Variants in CACNA2D3 observed in about 807,000 individuals in gnomAD.
CACNA2D3 encodes the protein voltage-dependent calcium channel subunit alpha-2/delta-3.
A neutral mutation model predicts 160.6 loss-of-function variants in CACNA2D3; 60 were observed. The observed-to-expected ratio is 0.37, with a 90% CI of 0.30 to 0.46. The LOEUF (loss-of-function observed/expected upper bound fraction) is 0.46. Among genes scored for constraint, CACNA2D3 ranks in the 20% least tolerant of loss-of-function variants. CACNA2D3 has a pLI of 1.00. For missense variants in CACNA2D3, 1,205 were observed against 1,365.0 expected (o/e 0.88, Z 1.85); for synonymous variants, 558 against 492.9 (o/e 1.13, Z -1.75).
intron 30 of CACNA2D3, among the ~76,000 whole-genome samples, chr3:54,986,675 T>A (rs1702621188): frequency 6.6e-6 from 1 of 152,168 alleles, no homozygotes; most frequent in African/African-American, 2.4e-5. Flanking sequence ...GGGGTTTAGT[T>A]AATACAAAGC....
chr3:54,201,938 T>G (rs755024139), intron 2 of CACNA2D3, among the ~76,000 whole-genome samples: 13 of 152,206 alleles, frequency 8.5e-5, no homozygotes, highest in Non-Finnish European at 1.8e-4. Context: ...AATGAACAGT[T>G]TTCTGTTCAT....
intron 3 of CACNA2D3, among the ~76,000 whole-genome samples, chr3:54,385,351 G>A (rs1020384469): frequency 3.3e-5 from 5 of 152,128 alleles, no homozygotes; most frequent in Non-Finnish European, 5.9e-5. Context: ...CTCAGACAGG[G>A]GAAGGGTCCT....
chr3:54,900,360 G>A (rs1272582341), intron 27 of CACNA2D3, among the ~76,000 whole-genome samples: 4 of 152,154 alleles, frequency 2.6e-5, no homozygotes, highest in Non-Finnish European at 5.9e-5. Context: ...TGGGACCAGG[G>A]GAAAGCCAAA....
At chr3:54,305,595 G>A (rs1053070852) in intron 2 of CACNA2D3, among the ~76,000 whole-genome samples, 1 of 152,228 alleles carries the variant, frequency 6.6e-6, no homozygotes, top group Non-Finnish European at 1.5e-5. Context: ...ACATAGACCA[G>A]CATTTGCCCA....
chr3:54,224,181 T>C (rs894688948), intron 2 of CACNA2D3, among the ~76,000 whole-genome samples: 17 of 152,096 alleles, frequency 1.1e-4, no homozygotes, highest in African/African-American at 3.6e-4. Context: ...AAGGCCTTCA[T>C]GGGCAGTAAC....
At chr3:54,995,294 ACTTAGAGTC>A (rs1702831744) in intron 31 of CACNA2D3, among the ~76,000 whole-genome samples, 1 of 152,168 alleles carries the variant, frequency 6.6e-6, no homozygotes. Flanking sequence ...TTTTAATCAA[ACTTAGAGTC>A]CAATGTATTA....
At chr3:54,872,692 T>C (rs1699563775) in intron 18 of CACNA2D3, among the ~76,000 whole-genome samples, 2 of 152,202 alleles carry the variant, frequency 1.3e-5, no homozygotes, top group Admixed American at 6.5e-5. Flanking sequence ...GCTGGTAAAA[T>C]GTGAGAGCCA....
intron 10 of CACNA2D3, chr3:54,639,182 TTGC>T (rs1699449296): frequency 6.6e-6 from 1 of 151,594 alleles, no homozygotes; most frequent in Non-Finnish European, 1.5e-5. Flanking sequence ...AAAGCGGGAC[TTGC>T]TGCTAAGGGT....
intron 11 of CACNA2D3, among the ~76,000 whole-genome samples, chr3:54,723,894 G>C (rs537495238): frequency 1.3e-4 from 20 of 152,288 alleles, no homozygotes; most frequent in African/African-American, 4.6e-4. Context: ...GCATCATAAT[G>C]ACAGGATCAA....
chr3:54,517,789 G>C (rs112968387), intron 5 of CACNA2D3, among the ~76,000 whole-genome samples: 1 of 152,116 alleles, frequency 6.6e-6, no homozygotes, highest in Non-Finnish European at 1.5e-5. Context: ...TCACCTTCCT[G>C]TTGCTCCAAC....
intron 35 of CACNA2D3, among the ~76,000 whole-genome samples, chr3:55,019,079 T>TTTTTTCTTTCTTTC (rs1553632294): frequency 6.8e-6 from 1 of 146,652 alleles, no homozygotes; most frequent in Non-Finnish European, 1.5e-5. Context: ...TGCATAGAAA[T>TTTTTTCTTTCTTTC]TTTCTTTCTT....
intron 27 of CACNA2D3, among the ~76,000 whole-genome samples, chr3:54,956,999 A>G (rs1701914131): frequency 1.3e-5 from 2 of 152,120 alleles, no homozygotes; most frequent in African/African-American, 4.8e-5. Flanking sequence ...CTTCTCCAAT[A>G]TCAAGTTTGC....
chr3:54,338,844 G>A (rs1472929998), intron 3 of CACNA2D3, among the ~76,000 whole-genome samples: 4 of 152,068 alleles, frequency 2.6e-5, no homozygotes, highest in Non-Finnish European at 5.9e-5. Context: ...TAAAACATGT[G>A]TCCCAATTCT....
intron 4 of CACNA2D3, among the ~76,000 whole-genome samples, chr3:54,467,885 A>G (rs1700657443): frequency 1.3e-5 from 2 of 152,214 alleles, no homozygotes; most frequent in South Asian, 4.1e-4. Context: ...GAAAGTTCTT[A>G]TCACAAAGAA....
intron 4 of CACNA2D3, among the ~76,000 whole-genome samples, chr3:54,478,673 T>TATTGCC (rs1451170474): frequency 7.5e-6 from 1 of 134,150 alleles, no homozygotes; most frequent in African/African-American, 2.8e-5. Context: ...TATATATATA[T>TATTGCC]ATATATTGCT....
intron 10 of CACNA2D3, among the ~76,000 whole-genome samples, chr3:54,635,309 C>T (rs1319160309): frequency 6.6e-6 from 1 of 151,946 alleles, no homozygotes; most frequent in Admixed American, 6.6e-5. Context: ...CAGCATAGTC[C>T]TGCCAGCAAA....
chr3:55,008,036 C>T (rs1575433226), intron 33 of CACNA2D3, among the ~76,000 whole-genome samples, 194 bp downstream of exon 33: 1 of 152,176 alleles, frequency 6.6e-6, no homozygotes, highest in African/African-American at 2.4e-5. Context: ...GACTGTTGAT[C>T]ACTCCTTATG....
chr3:54,859,972 G>GCGCGCGCACACACACACACACACA (rs535185040), intron 17 of CACNA2D3, among the ~76,000 whole-genome samples: 60 of 133,882 alleles, frequency 4.5e-4, no homozygotes, highest in African/African-American at 1.6e-3. Context: ...GAAAGTAGAT[G>GCGCGCGCACACACACACACACACA]CACACACACA....
chr3:54,967,601 C>A (rs1244284513), intron 27 of CACNA2D3, among the ~76,000 whole-genome samples: 1 of 152,062 alleles, frequency 6.6e-6, no homozygotes, highest in Non-Finnish European at 1.5e-5. Context: ...TTCAGTATTC[C>A]CTGTAGTCTC....
Sources: allele counts gnomAD v4.1 joint callset (sites outside exome capture counted in the v4.1 genomes callset), GRCh38; gene constraint gnomAD v4.1.1; transcripts MANE v1.5; gene names NCBI Gene and HGNC (gene_info 2026-07-23, HGNC 2026-07-21).